EHBP1: variants seen among roughly 807,000 people sequenced by gnomAD.
EHBP1 encodes the protein EH domain binding protein 1, also known as EH domain-binding protein 1.
Under a neutral mutation model 144.0 loss-of-function variants are expected in EHBP1, and 55 were observed. The observed-to-expected ratio is 0.38, with a 90% CI of 0.31 to 0.48. The LOEUF (loss-of-function observed/expected upper bound fraction) is 0.48, where lower values mean the gene tolerates loss of function less well. Ranked by LOEUF, EHBP1 falls within the 20% of genes least tolerant of loss-of-function variation. The pLI is 0.98. For synonymous variants in EHBP1, 469 were observed against 472.7 expected, an observed-to-expected ratio of 0.99 and a Z score of 0.10; for missense variants, 1,200 against 1,364.2, an observed-to-expected ratio of 0.88 and a Z score of 1.90.
intron 5 of EHBP1, among the ~76,000 whole-genome samples, chr2:62,813,322 T>C (rs536380944): frequency 1.1e-3 from 160 of 152,232 alleles, no homozygotes; most frequent in African/African-American, 3.0e-3. Context: ...TGCAAGAACT[T>C]TGGGGGCATG....
chr2:62,919,591 A>C (rs927924805), intron 10 of EHBP1, among the ~76,000 whole-genome samples: 3 of 152,218 alleles, frequency 2.0e-5, no homozygotes, highest in Non-Finnish European at 4.4e-5. Context: ...ATTAGATTCC[A>C]ATGTCTGTTT....
chr2:62,947,097 T>C (rs969990024), intron 12 of EHBP1, among the ~76,000 whole-genome samples: 2 of 152,146 alleles, frequency 1.3e-5, no homozygotes, highest in African/African-American at 4.8e-5. Flanking sequence ...ACTTCAATTT[T>C]CCTAAAACAT....
At position 62,771,337 on chromosome 2, in the gene EHBP1, AG is replaced by A; in HGVS notation, c.259del. On this transcript the variant is annotated splice_acceptor_variant, in intron 4 of 22. Transcript: ENST00000431489. LOFTEE classifies it high-confidence loss of function. ...CCATTTCATATTTTGCTTTTGTTAC[AG>A]GATCCTCATGCGGAAGAATTTGAAG... 6.3e-7 allele frequency: 1 copy of A among 1,593,600 alleles called. No homozygotes were observed. Among genetic ancestry groups the A allele is most frequent in the Non-Finnish European group, 8.5e-7 (1 of 1,169,832 alleles).
intron 8 of EHBP1, among the ~76,000 whole-genome samples, chr2:62,861,683 A>G (rs1414410328): frequency 6.6e-6 from 1 of 151,602 alleles, no homozygotes; most frequent in Non-Finnish European, 1.5e-5. Context: ...CAAAGGTTGC[A>G]GTGAGCCAAG....
At chr2:62,686,076 T>A (rs1193074348) in intron 1 of EHBP1, among the ~76,000 whole-genome samples, 3 of 152,202 alleles carry the variant, frequency 2.0e-5, no homozygotes, top group Non-Finnish European at 4.4e-5. Context: ...GGGAGTGGGT[T>A]AATTCCTAGT....
intron 1 of EHBP1, among the ~76,000 whole-genome samples, chr2:62,687,690 G>C (rs1332853955): frequency 1.3e-5 from 2 of 152,100 alleles, no homozygotes; most frequent in African/African-American, 4.8e-5. Context: ...GTCCAGCTAT[G>C]TTCTATGAAA....
intron 10 of EHBP1, among the ~76,000 whole-genome samples, chr2:62,910,702 T>G (rs1296606900): frequency 6.6e-6 from 1 of 152,178 alleles, no homozygotes; most frequent in Non-Finnish European, 1.5e-5. Context: ...TTGAACCTCT[T>G]TGGTTTAATC....
upstream of EHBP1, among the ~76,000 whole-genome samples, chr2:62,703,260 G>T (rs571520709): frequency 6.6e-6 from 1 of 151,876 alleles, no homozygotes; most frequent in Non-Finnish European, 1.5e-5. Flanking sequence ...CCAGCTACTC[G>T]GGAGGTTGAG....
intron 7 of EHBP1, among the ~76,000 whole-genome samples, chr2:62,855,057 G>A (rs1441831947): frequency 6.6e-6 from 1 of 152,224 alleles, no homozygotes; most frequent in Non-Finnish European, 1.5e-5. Flanking sequence ...GCAGGCAGGA[G>A]CCGTAACCCC....
At chr2:62,706,699 G>A (rs2034620155) in intron 1 of EHBP1, 198 bp from the exon 2 acceptor site, 5 of 156,096 alleles carry the variant, frequency 3.2e-5, no homozygotes, top group Admixed American at 3.1e-4. Context: ...CGTCTTCGGT[G>A]TGAATTGTAA....
At chr2:62,701,253 A>G (rs185894723), upstream of EHBP1, among the ~76,000 whole-genome samples, 1 of 152,232 alleles carries the variant, frequency 6.6e-6, no homozygotes, top group Non-Finnish European at 1.5e-5. Flanking sequence ...AACAGGTAAA[A>G]TTAATTTTAC....
chr2:62,774,641 C>G (rs143398974), intron 5 of EHBP1, among the ~76,000 whole-genome samples: 1 of 151,916 alleles, frequency 6.6e-6, no homozygotes, highest in Non-Finnish European at 1.5e-5. Flanking sequence ...ACATATGATT[C>G]AAGACCAGCC....
chr2:62,703,218 T>A (rs1558517507), upstream of EHBP1, among the ~76,000 whole-genome samples: 1 of 151,036 alleles, frequency 6.6e-6, no homozygotes, highest in Non-Finnish European at 1.5e-5. Context: ...AAAAAAAAAA[T>A]TAGCCAGTCG....
intron 2 of EHBP1, 142 bp from the exon 3 acceptor site, chr2:62,747,253 A>C (rs1363142227): frequency 1.6e-6 from 1 of 609,592 alleles, no homozygotes; most frequent in Non-Finnish European, 2.8e-6. Flanking sequence ...GTTAACATCT[A>C]CTATATTTGA....
intron 10 of EHBP1, among the ~76,000 whole-genome samples, chr2:62,909,380 G>A (rs986877115): frequency 6.6e-6 from 1 of 152,102 alleles, no homozygotes; most frequent in Non-Finnish European, 1.5e-5. Flanking sequence ...ATCAGGTTTC[G>A]CCATATCATG....
intron 15 of EHBP1, among the ~76,000 whole-genome samples, chr2:62,988,374 ATAT>A (rs1559030804): frequency 6.6e-6 from 1 of 152,134 alleles, no homozygotes; most frequent in Non-Finnish European, 1.5e-5. Flanking sequence ...GTCAGAAGGT[ATAT>A]ATTCCACATG....
intron 5 of EHBP1, among the ~76,000 whole-genome samples, chr2:62,812,414 A>G (rs751692495): frequency 1.3e-5 from 2 of 152,206 alleles, no homozygotes; most frequent in Non-Finnish European, 2.9e-5. Flanking sequence ...TTGGTGAAGC[A>G]GGCTAAAAAA....
At chr2:63,009,141 C>T (rs1316431733) in intron 19 of EHBP1, among the ~76,000 whole-genome samples, 4 of 151,570 alleles carry the variant, frequency 2.6e-5, no homozygotes, top group African/African-American at 7.2e-5. Flanking sequence ...ATGGGGAAAT[C>T]AATTTTATAG....
intron 3 of EHBP1, among the ~76,000 whole-genome samples, chr2:62,750,241 G>A (rs763095111): frequency 4.6e-5 from 7 of 152,026 alleles, no homozygotes; most frequent in South Asian, 4.1e-4. Context: ...TAAATAGGGA[G>A]TCCTTTCCCC....
Sources: allele counts gnomAD v4.1 joint callset (sites outside exome capture counted in the v4.1 genomes callset), GRCh38; gene constraint gnomAD v4.1.1; transcripts MANE v1.5; gene names NCBI Gene and HGNC (gene_info 2026-07-23, HGNC 2026-07-21).